VPS72: variants seen among roughly 807,000 people sequenced by gnomAD.
VPS72 encodes vacuolar protein sorting-associated protein 72 homolog.
VPS72 carries 27 observed loss-of-function variants against 38.9 expected under a neutral mutation model. The ratio of observed to expected loss-of-function variants is 0.69; its 90% CI spans 0.51 to 0.96. VPS72 has a LOEUF of 0.96. Among genes scored for constraint, VPS72 ranks in the 40% least tolerant of loss-of-function variants. VPS72 has a pLI of 0.00. For missense variants in VPS72, 360 were observed against 479.5 expected (o/e 0.75, Z 2.33); for synonymous variants, 173 against 186.3 (o/e 0.93, Z 0.58).
intron 1 of VPS72, 100 bp downstream of exon 1, chr1:151,189,905 C>T: frequency 1.5e-6 from 2 of 1,363,976 alleles, no homozygotes; most frequent in Non-Finnish European, 2.1e-6. Context: ...GCTCCCAGAG[C>T]TCCTCTCTAT....
At chr1:151,181,809 G>A (rs974609416) in intron 4 of VPS72, among the ~76,000 whole-genome samples, 38 of 152,146 alleles carry the variant, frequency 2.5e-4, no homozygotes, top group Admixed American at 2.1e-3. Flanking sequence ...TTTGACAGAT[G>A]GTGCTGCATA....
rs376602880 is a variant in VPS72 at position 151,190,062 on chromosome 1, A to T, written c.60T>A (p.Leu20=). 24 of 1,613,800 alleles carry T rather than the reference A, an allele frequency of 1.5e-5. No individual in the cohort carries two copies. Among genetic ancestry groups the T allele is most frequent in the Non-Finnish European group, 1.9e-5 (22 of 1,179,966 alleles). Residue 20 remains leucine (L), a synonymous_variant, in exon 1 of 6, where the codon CTT becomes CTA. Transcript: ENST00000368892. ...ACTCATCTTCCTCCTCTGCCTCCAA[A>T]AGCCCAGAAAGCCGGTTCCCAGCGG... ...RKTAGNRLSG[L]LEAEEEDEFY...
intron 1 of VPS72, 97 bp downstream of exon 1, chr1:151,189,908 C>T: frequency 7.1e-6 from 10 of 1,408,908 alleles, no homozygotes; most frequent in Non-Finnish European, 9.9e-6. Flanking sequence ...CCCAGAGCTC[C>T]TCTCTATTCC....
At chr1:151,179,374 C>A (rs186501480) in intron 4 of VPS72, among the ~76,000 whole-genome samples, 1 of 152,072 alleles carries the variant, frequency 6.6e-6, no homozygotes, top group Admixed American at 6.5e-5. Context: ...CCAAGGTGTG[C>A]GGATCATGAG....
At position 151,190,165 on chromosome 1, in the gene VPS72, C is replaced by T. The variant is rs200898447; in HGVS notation, c.-44G>A. ...GCCGCCACCTGCAGCCCCTCACCAG[C>T]TCGGTTTTGGGAGCTCGACGCTCGA... is the stretch of plus-strand genomic sequence containing the variant. On this transcript the variant is annotated 5_prime_UTR_variant, in exon 1 of 6. Coordinates refer to ENST00000368892, the MANE Select transcript of VPS72 (RefSeq NM_005997.3). The T allele has an allele frequency of 1.4e-3, 2,231 of 1,606,218 alleles. 17 individuals carry two copies. The Middle Eastern group carries it at 0.016, about 11-fold the overall frequency.
intron 4 of VPS72, 66 bp from the exon 5 acceptor site, chr1:151,178,211 GTC>G: frequency 1.3e-6 from 2 of 1,527,170 alleles, no homozygotes; most frequent in Non-Finnish European, 1.8e-6. Context: ...TCCCAGTACT[GTC>G]CCACGATCTC....
At position 151,176,932 on chromosome 1, in the gene VPS72, A is replaced by T. The variant is rs1453563294; in HGVS notation, c.807T>A (p.Ser269Arg). 1 of 1,613,734 alleles carries T rather than the reference A, an allele frequency of 6.2e-7. No individual in the cohort carries two copies. Residue 269 changes from serine to arginine, a missense_variant, in exon 6 of 6, where the codon AGT (serine) becomes AGA (arginine). By Grantham distance (110) the Ser-to-Arg change is moderately radical. Transcript: ENST00000368892. Reference protein sequence around the residue: ...ARCSRTFITFSDDATFEEWFP... With the variant: ...ARCSRTFITFRDDATFEEWFP... The stretch of plus-strand genomic sequence containing the variant: ...ACCATTCCTCGAAAGTTGCATCATC[A>T]CTAAAAGTGATGAAGGTACGTGAGC...
chr1:151,188,779 G>T (rs587690435), intron 1 of VPS72, among the ~76,000 whole-genome samples: 1 of 152,254 alleles, frequency 6.6e-6, no homozygotes, highest in East Asian at 1.9e-4. Context: ...AACAACTTTG[G>T]TTCAGATGTA....
chr1:151,189,835 C>G (rs1024479180), intron 1 of VPS72, among the ~76,000 whole-genome samples, 170 bp downstream of exon 1: 5 of 152,100 alleles, frequency 3.3e-5, no homozygotes, highest in Admixed American at 3.3e-4. Flanking sequence ...TAGGACTCCA[C>G]ACTATCCGTT....
Position 151,185,672 on chromosome 1 carries a change from T to C in VPS72, c.271-52A>G. ...GGGGAACAGAAGAAGTCAGGAGAAA[T>C]ATGAGGATCTCAATGAGAGAAAACT... is the stretch of plus-strand genomic sequence containing the variant. On this transcript the variant is annotated intron_variant, in intron 2 of 5. Transcript: ENST00000368892. 1.9e-6 allele frequency: 3 copies of C among 1,609,862 alleles called. No homozygotes were observed. In the Admixed American group the frequency reaches 5.0e-5, roughly 27 times the overall value.
chr1:151,188,626 G>C (rs1191528632), intron 1 of VPS72, among the ~76,000 whole-genome samples: 2 of 152,182 alleles, frequency 1.3e-5, no homozygotes, highest in Non-Finnish European at 2.9e-5. Context: ...TCCTAGACCA[G>C]GATCTCAATG....
In VPS72 at chr1:151,176,585, C is replaced by T. The variant is rs587762727; in HGVS notation, c.*59G>A. 33 of 1,566,204 alleles carry T rather than the reference C, an allele frequency of 2.1e-5. No individual in the cohort carries two copies. The highest frequency in any genetic ancestry group is 1.1e-4 in the African/African-American group (8 of 73,342). ...AAAGGGGAGAAGCAGGGAGAAGAAA[C>T]GGAACAGCAAGAGCCCCAATCAGGG... is the stretch of plus-strand genomic sequence containing the variant. On this transcript the variant is annotated 3_prime_UTR_variant, in exon 6 of 6. Transcript: ENST00000368892.
chr1:151,181,150 T>C (rs587739335), intron 4 of VPS72, among the ~76,000 whole-genome samples: 1 of 152,268 alleles, frequency 6.6e-6, no homozygotes, highest in South Asian at 2.1e-4. Flanking sequence ...AGGGTCACCC[T>C]GGTGACTTCG....
rs759291171 is a variant in VPS72 at position 151,190,154 on chromosome 1, C to T, written c.-33G>A. ...ACCGAGACTGCGCCGCCACCTGCAG[C>T]CCCTCACCAGCTCGGTTTTGGGAGC... On this transcript the variant is annotated 5_prime_UTR_variant, in exon 1 of 6. Transcript: ENST00000368892. The T allele has an allele frequency of 1.9e-6, 3 of 1,608,308 alleles. No individual in the cohort carries two copies. Among genetic ancestry groups the T allele is most frequent in the South Asian group, 2.2e-5 (2 of 91,034 alleles).
chr1:151,182,136 T>G (rs988747952), intron 4 of VPS72, among the ~76,000 whole-genome samples: 1 of 152,204 alleles, frequency 6.6e-6, no homozygotes, highest in African/African-American at 2.4e-5. Flanking sequence ...CAAGTGATTC[T>G]CCTGCCTCAG....
Position 151,190,171 on chromosome 1 carries a change from T to G in VPS72, c.-50A>C. The stretch of plus-strand genomic sequence containing the variant: ...ACCTGCAGCCCCTCACCAGCTCGGT[T>G]TTGGGAGCTCGACGCTCGACATCAC... On this transcript the variant is annotated 5_prime_UTR_variant, in exon 1 of 6. Coordinates refer to ENST00000368892, the MANE Select transcript of VPS72 (RefSeq NM_005997.3). 6.3e-7 allele frequency: 1 copy of G among 1,598,956 alleles called. No individual in the cohort carries two copies. The highest frequency in any genetic ancestry group is 8.5e-7 in the Non-Finnish European group (1 of 1,173,366).
intron 5 of VPS72, among the ~76,000 whole-genome samples, chr1:151,177,473 C>G (rs587715671): frequency 4.0e-5 from 6 of 151,200 alleles, no homozygotes; most frequent in Admixed American, 4.0e-4. Context: ...TGGGAACATT[C>G]TGAGGAACGT....
Position 151,189,992 on chromosome 1 carries a change from G to A in VPS72, c.117+13C>T. On this transcript the variant is annotated intron_variant, in intron 1 of 5. Transcript: ENST00000368892. ...TGCCTCCTCCCCTCCCTTTTCCCAG[G>A]CCCGGATCTTGCCTCTGTGAAACCC... is the stretch of plus-strand genomic sequence containing the variant. The A allele has an allele frequency of 2.5e-6, 4 of 1,613,424 alleles. No homozygotes were observed. The highest frequency in any genetic ancestry group is 3.4e-6 in the Non-Finnish European group (4 of 1,179,576).
intron 4 of VPS72, among the ~76,000 whole-genome samples, chr1:151,183,692 C>G (rs913142703): frequency 6.6e-5 from 10 of 152,044 alleles, no homozygotes; most frequent in Non-Finnish European, 1.5e-4. Flanking sequence ...GAACTCCCAA[C>G]TGCAAGTGAT....
Sources: allele counts gnomAD v4.1 joint callset (sites outside exome capture counted in the v4.1 genomes callset), GRCh38; gene constraint gnomAD v4.1.1; transcripts MANE v1.5; gene names NCBI Gene and HGNC (gene_info 2026-07-23, HGNC 2026-07-21).